KCNK2: variants seen among roughly 807,000 people sequenced by gnomAD.
KCNK2 encodes potassium two pore domain channel subfamily K member 2.
Under a neutral mutation model 40.5 loss-of-function variants are expected in KCNK2, and 21 were observed. The ratio of observed to expected loss-of-function variants is 0.52; its 90% CI spans 0.37 to 0.75. The LOEUF (loss-of-function observed/expected upper bound fraction) is 0.75. Among genes scored for constraint, KCNK2 ranks in the 30% least tolerant of loss-of-function variants. The pLI, the probability that KCNK2 is intolerant of heterozygous loss-of-function variation, is 0.00. For synonymous variants in KCNK2, 191 were observed against 202.2 expected (o/e 0.94, Z 0.47); for missense variants, 399 against 531.6 (o/e 0.75, Z 2.45).
At chr1:215,070,562 G>C (rs1048717880) in intron 1 of KCNK2, among the ~76,000 whole-genome samples, 2 of 152,082 alleles carry the variant, frequency 1.3e-5, no homozygotes, top group Middle Eastern at 3.2e-3. Context: ...AAGAGAGCTT[G>C]TGCAGGGGAG....
chr1:215,157,369 G>T (rs1363879591), intron 3 of KCNK2, among the ~76,000 whole-genome samples: 2 of 152,134 alleles, frequency 1.3e-5, no homozygotes, highest in Non-Finnish European at 2.9e-5. Flanking sequence ...GCCAGCTGTA[G>T]TATTAAACCC....
intron 3 of KCNK2, among the ~76,000 whole-genome samples, chr1:215,136,526 C>G (rs1157672030): frequency 6.6e-6 from 1 of 152,086 alleles, no homozygotes; most frequent in Non-Finnish European, 1.5e-5. Context: ...TTAGGATATG[C>G]TAAGATATAT....
chr1:215,083,773 A>G lies in KCNK2; in HGVS notation c.46+342A>G, dbSNP rs901854564. The G allele has an allele frequency of 7.6e-6, 3 of 395,098 alleles. No homozygotes were observed. The East Asian group carries it at 1.4e-4, about 19-fold the overall frequency. The allele number at this position is 395,098 out of a possible 1,614,324, so 24.5% of individuals were successfully genotyped here. On this transcript the variant is annotated intron_variant, in intron 1 of 6. Transcript: ENST00000444842. ...GTGACCCCGGTCACACTTGTTGCCC[A>G]TTGCCTGGTGGGACAGGCAGTGGTG... is the stretch of plus-strand genomic sequence containing the variant.
chr1:215,188,921 T>C (rs567249897), intron 5 of KCNK2, among the ~76,000 whole-genome samples: 3 of 152,326 alleles, frequency 2.0e-5, no homozygotes, highest in East Asian at 3.9e-4. Context: ...TGGACACATA[T>C]TGTATATTAG....
rs543414723 is a variant in KCNK2 at position 215,033,557 on chromosome 1, T to C, written c.34+27602T>C. On this transcript the variant is annotated intron_variant, in intron 1 of 6. Transcript: ENST00000391895. ...GTGTTTTACATTGCCATGATTCCAT[T>C]TCAGTCTTTTAGCGAGCCTGTGCTT... is the stretch of plus-strand genomic sequence containing the variant. 7.2e-5 allele frequency among the ~76,000 whole-genome samples: 11 copies of C among 152,266 alleles called. No homozygotes were observed. The East Asian group carries it at 2.1e-3, about 29-fold the overall frequency.
At position 215,083,203 on chromosome 1, in the gene KCNK2, C is replaced by CCCCCCCA; in HGVS notation, c.-183_-182insCCCCCCA. On this transcript the variant is annotated 5_prime_UTR_variant, in exon 1 of 7. Coordinates refer to ENST00000444842, the MANE Select transcript of KCNK2 (RefSeq NM_001017425.3). The stretch of plus-strand genomic sequence containing the variant: ...TCGTTTCTTCTCACGCTCCCCCCCC[C>CCCCCCCA]GCCCCCTCCCGCGTCCAGCCCCGCT... The CCCCCCCA allele has an allele frequency of 1.2e-6, 1 of 804,902 alleles. No homozygotes were observed. The highest frequency in any genetic ancestry group is 1.5e-5 in the South Asian group (1 of 65,592). The allele number at this position is 804,902 out of a possible 1,614,324, so 49.9% of individuals were successfully genotyped here.
At chr1:215,049,219 T>C (rs959272682) in intron 1 of KCNK2, among the ~76,000 whole-genome samples, 6 of 152,192 alleles carry the variant, frequency 3.9e-5, no homozygotes, top group African/African-American at 7.2e-5. Context: ...AGATATTGTA[T>C]TGTGCTTTAA....
chr1:215,063,673 T>C (rs1475745044), intron 1 of KCNK2, among the ~76,000 whole-genome samples: 1 of 152,198 alleles, frequency 6.6e-6, no homozygotes, highest in Non-Finnish European at 1.5e-5. Context: ...CCTCTCTCGC[T>C]CAGACTCCTC....
intron 3 of KCNK2, among the ~76,000 whole-genome samples, chr1:215,164,287 G>T (rs1378127503): frequency 6.6e-6 from 1 of 151,966 alleles, no homozygotes; most frequent in Non-Finnish European, 1.5e-5. Flanking sequence ...ATTTTTTATT[G>T]TGTCTATTTG....
chr1:215,190,193 C>A (rs554834800), intron 5 of KCNK2, among the ~76,000 whole-genome samples: 1 of 151,968 alleles, frequency 6.6e-6, no homozygotes, highest in South Asian at 2.1e-4. Context: ...GTTGTATGCC[C>A]AAGTTCTTTA....
intron 6 of KCNK2, among the ~76,000 whole-genome samples, chr1:215,207,417 G>A (rs1269001000): frequency 6.6e-6 from 1 of 152,178 alleles, no homozygotes; most frequent in African/African-American, 2.4e-5. Flanking sequence ...AGCTCTGTCC[G>A]TGGAAAAGTT....
chr1:215,007,074 T>A, intron 1 of KCNK2, among the ~76,000 whole-genome samples: 1 of 124,600 alleles, frequency 8.0e-6, no homozygotes, highest in Non-Finnish European at 1.6e-5. Flanking sequence ...TGTGTGTGTA[T>A]ATATATATGT....
chr1:215,093,275 A>G (rs2102539145), intron 2 of KCNK2, among the ~76,000 whole-genome samples: 1 of 149,124 alleles, frequency 6.7e-6, no homozygotes, highest in South Asian at 2.1e-4. Flanking sequence ...AGACCTCCAA[A>G]GGTTTTATTA....
chr1:215,020,714 G>A lies in KCNK2; in HGVS notation c.34+14759G>A, dbSNP rs540877976. ...GTTAGGATTATAGGAGTGAGACACC[G>A]TGCTGGGCCAAACCACAGTACCTTT... is the stretch of plus-strand genomic sequence containing the variant. On this transcript the variant is annotated intron_variant, in intron 1 of 6. Coordinates refer to the KCNK2 transcript ENST00000391895. Among the ~76,000 whole-genome samples, 75 of 152,182 alleles carry A rather than the reference G, an allele frequency of 4.9e-4. 1 individual carries two copies. Among genetic ancestry groups the A allele is most frequent in the Admixed American group, 4.7e-3 (72 of 15,270 alleles).
At chr1:215,209,430 TAA>T (rs1491565104) in intron 6 of KCNK2, among the ~76,000 whole-genome samples, 1 of 39,820 alleles carries the variant, frequency 2.5e-5, no homozygotes, top group Non-Finnish European at 4.0e-5. Context: ...ATAATATATA[TAA>T]TATAAAATAT....
At chr1:215,204,517 C>A (rs1665226355) in intron 6 of KCNK2, among the ~76,000 whole-genome samples, 2 of 151,886 alleles carry the variant, frequency 1.3e-5, no homozygotes, top group Non-Finnish European at 2.9e-5. Context: ...TATTATTTTT[C>A]TTTTTTGATT....
At chr1:215,093,742 A>ATT (rs59324247) in intron 2 of KCNK2, among the ~76,000 whole-genome samples, 1 of 55,316 alleles carries the variant, frequency 1.8e-5, no homozygotes, top group African/African-American at 1.2e-4. Flanking sequence ...TATATAATAT[A>ATT]AAAATATATT....
intron 1 of KCNK2, among the ~76,000 whole-genome samples, chr1:215,066,010 C>G (rs530381383): frequency 3.9e-5 from 6 of 152,096 alleles, no homozygotes; most frequent in Non-Finnish European, 8.8e-5. Flanking sequence ...CAAACTATCA[C>G]AAGAACAGAA....
At chr1:215,144,793 G>A (rs1217822869) in intron 3 of KCNK2, among the ~76,000 whole-genome samples, 7 of 152,068 alleles carry the variant, frequency 4.6e-5, no homozygotes, top group Admixed American at 1.3e-4. Context: ...AACAAGATAC[G>A]GTCGAGCAAT....
Sources: allele counts gnomAD v4.1 joint callset (sites outside exome capture counted in the v4.1 genomes callset), GRCh38; gene constraint gnomAD v4.1.1; transcripts MANE v1.5; gene names NCBI Gene and HGNC (gene_info 2026-07-23, HGNC 2026-07-21).